The following RIMS1 variants were observed in gnomAD, a reference collection of about 807,000 sequenced individuals.
RIMS1 encodes regulating synaptic membrane exocytosis protein 1.
RIMS1 carries 83 observed loss-of-function variants against 214.1 expected under a neutral mutation model. That is an observed-to-expected ratio of 0.39 (90% CI 0.32 to 0.47). The LOEUF (loss-of-function observed/expected upper bound fraction) is 0.47. Among genes scored for constraint, RIMS1 ranks in the 20% least tolerant of loss-of-function variants. The probability of loss-of-function intolerance (pLI) is 0.99; values close to 1 mark genes in which losing one functional copy is unlikely to be tolerated. For synonymous variants in RIMS1, 793 were observed against 786.8 expected (o/e 1.01, Z -0.13); for missense variants, 2,050 against 2,161.8 (o/e 0.95, Z 1.03).
intron 2 of RIMS1, among the ~76,000 whole-genome samples, chr6:72,034,157 A>G (rs578257952): frequency 4.6e-5 from 7 of 152,328 alleles, no homozygotes; most frequent in African/African-American, 1.7e-4. Flanking sequence ...AGAAAAAATT[A>G]CAAGTACCCA....
intron 2 of RIMS1, among the ~76,000 whole-genome samples, chr6:72,038,118 A>AAATAT (rs1820399900): frequency 1.5e-4 from 2 of 13,420 alleles, no homozygotes; most frequent in African/African-American, 3.3e-4. Context: ...AAAAAAAAAA[A>AAATAT]ATATATATAT....
intron 4 of RIMS1, among the ~76,000 whole-genome samples, chr6:72,175,867 T>C (rs1046913958): frequency 6.6e-6 from 1 of 152,206 alleles, no homozygotes; most frequent in African/African-American, 2.4e-5. Context: ...ATTTTCTGTA[T>C]ATGTATAGTA....
chr6:72,019,274 T>G (rs992060408), intron 2 of RIMS1, among the ~76,000 whole-genome samples: 1 of 115,208 alleles, frequency 8.7e-6, no homozygotes, highest in Admixed American at 8.9e-5. Context: ...AGAAGTTTAT[T>G]TAGGCATTAA....
In RIMS1 at chr6:72,400,492, G is replaced by A. The variant is rs201511465; in HGVS notation, c.4861-4G>A. The A allele has an allele frequency of 2.1e-5, 34 of 1,612,342 alleles. No homozygotes were observed. The highest frequency in any genetic ancestry group is 1.6e-4 in the Middle Eastern group (1 of 6,082). On this transcript the variant is annotated splice_polypyrimidine_tract_variant and splice_region_variant and intron_variant, in intron 33 of 33. Coordinates refer to ENST00000521978, the MANE Select transcript of RIMS1 (RefSeq NM_014989.7). ...GGTAATGTTGCATTTCTCTATCTCTGCAGGTGATTGTCTGGGGAGACTATG... is the reference window on the plus strand; with the variant it reads ...GGTAATGTTGCATTTCTCTATCTCTACAGGTGATTGTCTGGGGAGACTATG...
chr6:72,133,921 A>C (rs1016436294), intron 4 of RIMS1, among the ~76,000 whole-genome samples: 3 of 152,152 alleles, frequency 2.0e-5, no homozygotes, highest in Non-Finnish European at 4.4e-5. Flanking sequence ...CATACTTATA[A>C]GTTGGATAAC....
intron 1 of RIMS1, among the ~76,000 whole-genome samples, chr6:71,920,127 T>G (rs1377247750): frequency 1.3e-5 from 2 of 152,180 alleles, no homozygotes; most frequent in Non-Finnish European, 2.9e-5. Context: ...ATCAGTAAAT[T>G]ATGGTTTAGT....
intron 6 of RIMS1, among the ~76,000 whole-genome samples, chr6:72,231,014 T>C (rs2061762303): frequency 6.6e-6 from 1 of 151,668 alleles, no homozygotes; most frequent in East Asian, 1.9e-4. Context: ...ACCATGAATT[T>C]ATCATTTTGC....
At chr6:72,004,936 G>A (rs1210817164) in intron 2 of RIMS1, among the ~76,000 whole-genome samples, 1 of 152,004 alleles carries the variant, frequency 6.6e-6, no homozygotes, top group East Asian at 1.9e-4. Flanking sequence ...TAGACATGAA[G>A]TCCTTGCCCA....
chr6:72,122,207 C>CTT (rs34948011), intron 4 of RIMS1, among the ~76,000 whole-genome samples: 2,581 of 136,254 alleles, frequency 0.019, 68 homozygotes, highest in South Asian at 0.056. Flanking sequence ...TTCCTTTTTT[C>CTT]TTTTTTTTTT....
At chr6:72,333,281 G>C (rs187512750) in intron 28 of RIMS1, among the ~76,000 whole-genome samples, 1 of 151,792 alleles carries the variant, frequency 6.6e-6, no homozygotes, top group Non-Finnish European at 1.5e-5. Flanking sequence ...TGGTAACATA[G>C]TAACTATACT....
chr6:72,083,382 T>A (rs1171933256), intron 2 of RIMS1, among the ~76,000 whole-genome samples: 1 of 152,034 alleles, frequency 6.6e-6, no homozygotes, highest in Non-Finnish European at 1.5e-5. Flanking sequence ...GCCGAAAAAA[T>A]TTTCAGACAA....
intron 2 of RIMS1, among the ~76,000 whole-genome samples, chr6:72,061,293 T>C (rs1280050553): frequency 6.6e-6 from 1 of 152,210 alleles, no homozygotes; most frequent in Non-Finnish European, 1.5e-5. Context: ...AATTATAATG[T>C]GGTATTAAAG....
At chr6:71,992,305 A>T (rs1801815953) in intron 2 of RIMS1, among the ~76,000 whole-genome samples, 2 of 152,132 alleles carry the variant, frequency 1.3e-5, no homozygotes, top group African/African-American at 4.8e-5. Flanking sequence ...GCCAATTTGC[A>T]CCAGGAATGT....
chr6:72,066,673 A>G (rs1437091765), intron 2 of RIMS1, among the ~76,000 whole-genome samples: 1 of 152,216 alleles, frequency 6.6e-6, no homozygotes, highest in African/African-American at 2.4e-5. Context: ...AGCAAGACTT[A>G]CATGTGTATC....
At chr6:72,146,042 C>A (rs988927625) in intron 4 of RIMS1, among the ~76,000 whole-genome samples, 6 of 152,122 alleles carry the variant, frequency 3.9e-5, no homozygotes, top group African/African-American at 1.2e-4. Context: ...CTCTGAGAAA[C>A]AAAGGATCAG....
At position 72,322,264 on chromosome 6, in the gene RIMS1, A is replaced by G. The variant is rs186722493; in HGVS notation, c.4130+8592A>G. Among the ~76,000 whole-genome samples, 40 of 152,248 alleles carry G rather than the reference A, an allele frequency of 2.6e-4. No individual in the cohort carries two copies. The East Asian group carries it at 5.2e-3, about 20-fold the overall frequency. ...ATTTTATACCTCATAGTAGCAGACT[A>G]CATGGACTCAGAAGAGGACCATCTC... On this transcript the variant is annotated intron_variant, in intron 28 of 33. Coordinates refer to ENST00000521978, the MANE Select transcript of RIMS1 (RefSeq NM_014989.7).
At chr6:72,090,137 T>A (rs1047442595) in intron 2 of RIMS1, among the ~76,000 whole-genome samples, 2 of 151,818 alleles carry the variant, frequency 1.3e-5, no homozygotes, top group South Asian at 2.1e-4. Context: ...AACCTGCACA[T>A]TGTGCACATG....
chr6:72,283,848 C>T lies in RIMS1; in HGVS notation c.3483-199C>T, dbSNP rs114853611. ...TCTTCTATTGGGCAACTTGTGTCTT[C>T]CACTTGGCACCAATTCTGGTTTTCA... is the stretch of plus-strand genomic sequence containing the variant. On this transcript the variant is annotated intron_variant, in intron 23 of 33. Transcript: ENST00000521978. Among the ~76,000 whole-genome samples, 617 of 152,212 alleles carry T rather than the reference C, an allele frequency of 4.1e-3. 5 individuals are homozygous for T. Among genetic ancestry groups the T allele is most frequent in the African/African-American group, 0.014 (597 of 41,544 alleles).
At position 72,333,767 on chromosome 6, in the gene RIMS1, G is replaced by A. The variant is rs2096749704; in HGVS notation, c.4298G>A (p.Ser1433Asn). 1 of 1,599,194 alleles carries A rather than the reference G, an allele frequency of 6.3e-7. No homozygotes were observed. Among genetic ancestry groups the A allele is most frequent in the Non-Finnish European group, 8.5e-7 (1 of 1,172,748 alleles). ...VGAGGKKRRS[S>N]LSAKVVAIVS... ...GCAGGTGGAAAGAAACGGAGATCCA[G>A]CCTTAGTGCCAAAGTGGTTGCCATA... Residue 1433 changes from serine to asparagine, a missense_variant, in exon 29 of 34, where the codon AGC (serine) becomes AAC (asparagine). Ser to Asn is a conservative substitution (Grantham distance 46). Transcript: ENST00000521978.
Sources: gnomAD v4.1 joint callset for allele counts (sites outside exome capture counted in the v4.1 genomes callset) on GRCh38, gnomAD v4.1.1 for gene constraint, MANE v1.5 for transcripts, NCBI Gene and HGNC (gene_info 2026-07-23, HGNC 2026-07-21) for gene names.